Variants in GATA4 observed in about 807,000 individuals in gnomAD.
GATA4 encodes the protein transcription factor GATA-4.
In GATA4, 7 loss-of-function variants were observed where a neutral mutation model predicts 37.9. That is an observed-to-expected ratio of 0.18 (90% CI 0.11 to 0.35). The LOEUF is 0.35. GATA4 is among the 10% of genes least tolerant of loss of function. The probability of loss-of-function intolerance (pLI) is 1.00; values close to 1 mark genes in which losing one functional copy is unlikely to be tolerated. For missense variants in GATA4, 647 were observed against 653.0 expected, an observed-to-expected ratio of 0.99 and a Z score of 0.10; for synonymous variants, 372 against 292.6, an observed-to-expected ratio of 1.27 and a Z score of -2.77.
chr8:11,716,716 T>C (rs951310681), intron 2 of GATA4, among the ~76,000 whole-genome samples: 1 of 152,242 alleles, frequency 6.6e-6, no homozygotes, highest in Non-Finnish European at 1.5e-5. Context: ...TCAGGTTATA[T>C]TGGAGTTAGA....
At chr8:11,691,383 C>G (rs1427694232), upstream of GATA4, among the ~76,000 whole-genome samples, 2 of 152,192 alleles carry the variant, frequency 1.3e-5, no homozygotes, top group Admixed American at 6.5e-5. Context: ...TCACTGCAGC[C>G]TCAACCTCCC....
intron 4 of GATA4, among the ~76,000 whole-genome samples, chr8:11,754,727 T>G (rs536269797): frequency 2.0e-5 from 3 of 152,302 alleles, no homozygotes; most frequent in South Asian, 2.1e-4. Flanking sequence ...TTCTCTGTCT[T>G]TTTACATCAC....
chr8:11,758,802 T>A lies in GATA4; in HGVS notation c.*327T>A. The A allele has an allele frequency of 2.6e-6, 1 of 391,310 alleles. No individual in the cohort carries two copies. The highest frequency in any genetic ancestry group is 6.1e-5 in the East Asian group (1 of 16,528). 24.2% of individuals were successfully genotyped at this position (391,310 alleles called of 1,614,324 possible). On this transcript the variant is annotated 3_prime_UTR_variant, in exon 7 of 7. Transcript: ENST00000532059. ...GGCCTAGACCGTGGGTTTTGCATTG[T>A]GTTTCTAGCACCGAGGATCTGAGAA...
intron 2 of GATA4, among the ~76,000 whole-genome samples, chr8:11,716,442 T>G (rs970616957): frequency 1.1e-4 from 17 of 152,232 alleles, no homozygotes; most frequent in African/African-American, 3.9e-4. Context: ...TTTTCCTTTA[T>G]GCTCAAGCTT....
intron 1 of GATA4, among the ~76,000 whole-genome samples, chr8:11,695,449 T>C (rs1799477097): frequency 6.6e-6 from 1 of 151,752 alleles, no homozygotes; most frequent in African/African-American, 2.4e-5. Context: ...GAGTAATGGG[T>C]TCTGCAGAAC....
chr8:11,713,790 C>T (rs1001728822), intron 2 of GATA4, among the ~76,000 whole-genome samples: 55 of 152,310 alleles, frequency 3.6e-4, no homozygotes, highest in African/African-American at 1.2e-3. Flanking sequence ...AACTCCTGGG[C>T]GCTGGAAGCA....
Position 11,693,552 on chromosome 8 carries a change from C to G in GATA4, c.-729+892C>G, listed in dbSNP as rs866237767. 5.6e-3 allele frequency among the ~76,000 whole-genome samples: 666 copies of G among 117,880 alleles called. 4 individuals are homozygous for G. The highest frequency in any genetic ancestry group is 8.5e-3 in the Non-Finnish European group (494 of 57,904). 77.3% of individuals were successfully genotyped at this position (117,880 alleles called of 152,430 possible). A position where few individuals can be genotyped will look rare whatever the true frequency, so the allele number is the denominator to read the frequency against. ...ACACACACACACACACACACACACA[C>G]ACACACACACAGAGAGAGAGAGAGA... On this transcript the variant is annotated intron_variant, in intron 1 of 2. Coordinates refer to the GATA4 transcript ENST00000526974.
intron 2 of GATA4, among the ~76,000 whole-genome samples, chr8:11,731,301 A>G (rs2130203719): frequency 6.6e-6 from 1 of 152,372 alleles, no homozygotes; most frequent in Middle Eastern, 3.4e-3. Context: ...ATTAAAAGAG[A>G]GAGACACAAT....
chr8:11,726,586 T>C (rs1181237054), intron 2 of GATA4, among the ~76,000 whole-genome samples: 1 of 152,042 alleles, frequency 6.6e-6, no homozygotes, highest in East Asian at 1.9e-4. Context: ...CAGTCTCTGT[T>C]TGAACCCTTG....
upstream of GATA4, among the ~76,000 whole-genome samples, chr8:11,691,130 C>T (rs1178850544): frequency 1.3e-5 from 2 of 152,240 alleles, no homozygotes; most frequent in Admixed American, 6.5e-5. Context: ...CTGTGCCTGG[C>T]ATATAGCAAT....
intron 2 of GATA4, among the ~76,000 whole-genome samples, chr8:11,740,335 A>T (rs1801669866): frequency 6.6e-6 from 1 of 152,180 alleles, no homozygotes; most frequent in African/African-American, 2.4e-5. Flanking sequence ...TGGTGTGAAG[A>T]CTGTGCTTTC....
At chr8:11,701,244 G>GACA (rs1554486701), upstream of GATA4, among the ~76,000 whole-genome samples, 2 of 126,418 alleles carry the variant, frequency 1.6e-5, no homozygotes, top group African/African-American at 3.2e-5. Context: ...CAGGTTCTTA[G>GACA]AAAAAAAAAA....
upstream of GATA4, among the ~76,000 whole-genome samples, chr8:11,703,900 G>A (rs944611328): frequency 6.6e-6 from 1 of 152,230 alleles, no homozygotes; most frequent in African/African-American, 2.4e-5. Flanking sequence ...AGGGGGGGCG[G>A]GGAGGGAGAA....
intron 2 of GATA4, among the ~76,000 whole-genome samples, chr8:11,730,511 G>A (rs961978346): frequency 6.6e-6 from 1 of 152,202 alleles, no homozygotes; most frequent in African/African-American, 2.4e-5. Flanking sequence ...GTACTGTTCT[G>A]GTCAGGAGCT....
chr8:11,745,448 TG>T (rs1225915944), intron 2 of GATA4, among the ~76,000 whole-genome samples: 1 of 146,420 alleles, frequency 6.8e-6, no homozygotes, highest in African/African-American at 2.6e-5. Context: ...TAGCAAGGCA[TG>T]GCAGCATGCA....
At chr8:11,693,163 A>G (rs1225450322) in intron 1 of GATA4, 27 of 860,142 alleles carry the variant, frequency 3.1e-5, no homozygotes, top group Non-Finnish European at 3.8e-5. Flanking sequence ...AGCTGTAAGG[A>G]AGCTTAGAAA....
intron 2 of GATA4, among the ~76,000 whole-genome samples, chr8:11,713,872 G>C (rs973347709): frequency 1.3e-5 from 2 of 152,164 alleles, no homozygotes; most frequent in African/African-American, 2.4e-5. Flanking sequence ...CCTGTGAAAC[G>C]GACGTAGCCG....
At chr8:11,743,335 T>G (rs1336149127) in intron 2 of GATA4, among the ~76,000 whole-genome samples, 1 of 152,238 alleles carries the variant, frequency 6.6e-6, no homozygotes, top group Non-Finnish European at 1.5e-5. Flanking sequence ...ATATTTGAGT[T>G]TCAGGCATTG....
chr8:11,756,617 C>A (rs940165726), intron 5 of GATA4: 4 of 434,194 alleles, frequency 9.2e-6, no homozygotes, highest in Middle Eastern at 6.8e-4. Flanking sequence ...ATCTCAGGCC[C>A]TGCTGGAGGT....
Sources: gnomAD v4.1 joint callset for allele counts (sites outside exome capture counted in the v4.1 genomes callset) on GRCh38, gnomAD v4.1.1 for gene constraint, MANE v1.5 for transcripts, NCBI Gene and HGNC (gene_info 2026-07-23, HGNC 2026-07-21) for gene names.